RFX3: variants seen among roughly 807,000 people sequenced by gnomAD.
RFX3 encodes transcription factor RFX3.
RFX3 carries 14 observed loss-of-function variants against 98.6 expected under a neutral mutation model. The ratio of observed to expected loss-of-function variants is 0.14; its 90% CI spans 0.09 to 0.22. The LOEUF is 0.22. RFX3 is among the 10% of genes least tolerant of loss of function. RFX3 has a pLI of 1.00. For missense variants in RFX3, 639 were observed against 926.9 expected (o/e 0.69, Z 4.03); for synonymous variants, 383 against 328.4 (o/e 1.17, Z -1.80).
At chr9:3,460,857 A>G (rs994806908) in intron 1 of RFX3, among the ~76,000 whole-genome samples, 2 of 151,838 alleles carry the variant, frequency 1.3e-5, no homozygotes, top group Non-Finnish European at 2.9e-5. Context: ...TCACTTAACC[A>G]ATTTCCTAAC....
intron 1 of RFX3, among the ~76,000 whole-genome samples, chr9:3,516,977 C>T (rs138575445): frequency 8.4e-4 from 128 of 152,314 alleles, no homozygotes; most frequent in Non-Finnish European, 1.4e-3. Context: ...AATGGTGGAA[C>T]CTTCTGAGAC....
chr9:3,459,555 T>G (rs1287328183), intron 1 of RFX3, among the ~76,000 whole-genome samples: 2 of 152,096 alleles, frequency 1.3e-5, no homozygotes, highest in Non-Finnish European at 2.9e-5. Flanking sequence ...GCGACCCGAA[T>G]CAAAATAAAT....
At chr9:3,339,684 T>A (rs11794761) in intron 3 of RFX3, among the ~76,000 whole-genome samples, 1 of 151,944 alleles carries the variant, frequency 6.6e-6, no homozygotes, top group Non-Finnish European at 1.5e-5. Context: ...CCCGCCCACA[T>A]GAAGCTTACA....
At chr9:3,420,802 G>A in intron 1 of RFX3, 1 of 985,114 alleles carries the variant, frequency 1.0e-6, no homozygotes, top group African/African-American at 1.7e-5. Context: ...ATTCATTCCT[G>A]GTTCTTTTCT....
At chr9:3,392,606 T>C (rs964499822) in intron 2 of RFX3, among the ~76,000 whole-genome samples, 1 of 152,100 alleles carries the variant, frequency 6.6e-6, no homozygotes, top group African/African-American at 2.4e-5. Flanking sequence ...AAAGCATGAA[T>C]GTCCAGACTG....
chr9:3,299,764 TCTAA>T (rs1029783866), intron 5 of RFX3, among the ~76,000 whole-genome samples: 5 of 151,780 alleles, frequency 3.3e-5, no homozygotes, highest in Non-Finnish European at 1.5e-5. Context: ...GTTAAAAATC[TCTAA>T]CAGTTGAAAA....
intron 4 of RFX3, 108 bp downstream of exon 4, chr9:3,330,151 C>T: frequency 8.8e-7 from 1 of 1,134,492 alleles, no homozygotes; most frequent in Non-Finnish European, 1.3e-6. Flanking sequence ...CTATCCAACA[C>T]ATTCTTGCCC....
chr9:3,344,768 C>T, intron 3 of RFX3: 1 of 682,440 alleles, frequency 1.5e-6, no homozygotes. Context: ...ATTTATTTTC[C>T]CTGAGAGCAT....
intron 3 of RFX3, among the ~76,000 whole-genome samples, chr9:3,344,569 A>G (rs1834232700): frequency 6.6e-6 from 1 of 152,160 alleles, no homozygotes; most frequent in Non-Finnish European, 1.5e-5. Context: ...TGTGATAGGT[A>G]CTATACAATT....
intron 2 of RFX3, among the ~76,000 whole-genome samples, chr9:3,359,877 T>A (rs1836209142): frequency 6.6e-6 from 1 of 152,176 alleles, no homozygotes; most frequent in Non-Finnish European, 1.5e-5. Context: ...AATGATCAAA[T>A]GTGATTCAAA....
intron 2 of RFX3, among the ~76,000 whole-genome samples, chr9:3,391,731 C>T (rs1203143208): frequency 1.3e-5 from 2 of 152,144 alleles, no homozygotes; most frequent in Non-Finnish European, 2.9e-5. Context: ...TTTTCCACTT[C>T]TGACAGCAAT....
intron 1 of RFX3, among the ~76,000 whole-genome samples, chr9:3,508,240 C>T (rs1427400089): frequency 6.6e-6 from 1 of 151,902 alleles, no homozygotes; most frequent in Non-Finnish European, 1.5e-5. Context: ...ATACAGCAGT[C>T]TAGTATTTAG....
At chr9:3,368,094 T>C (rs1396169605) in intron 2 of RFX3, among the ~76,000 whole-genome samples, 1 of 152,220 alleles carries the variant, frequency 6.6e-6, no homozygotes, top group Non-Finnish European at 1.5e-5. Flanking sequence ...GCATAAATTG[T>C]TCCACTGTTG....
intron 14 of RFX3, among the ~76,000 whole-genome samples, chr9:3,250,590 TC>T (rs1189844849): frequency 6.6e-6 from 1 of 152,062 alleles, no homozygotes; most frequent in African/African-American, 2.4e-5. Flanking sequence ...GACCCAGCAA[TC>T]TAATTCTAGA....
At chr9:3,392,958 A>G (rs1300785973) in intron 2 of RFX3, among the ~76,000 whole-genome samples, 1 of 150,338 alleles carries the variant, frequency 6.7e-6, no homozygotes, top group Admixed American at 6.7e-5. Context: ...AAATTAAAAT[A>G]TAACTTATAG....
intron 13 of RFX3, 115 bp from the exon 14 acceptor site, chr9:3,257,314 T>A: frequency 1.3e-6 from 1 of 791,610 alleles, no homozygotes; most frequent in Non-Finnish European, 2.0e-6. Context: ...TTCACACAGT[T>A]AAATGAATCC....
intron 2 of RFX3, among the ~76,000 whole-genome samples, chr9:3,386,182 G>A (rs1408700599): frequency 2.0e-5 from 3 of 152,030 alleles, no homozygotes; most frequent in Non-Finnish European, 2.9e-5. Flanking sequence ...AGCTACAGAG[G>A]ATAAGTTACT....
At chr9:3,263,282 G>A (rs1480500851) in intron 12 of RFX3, among the ~76,000 whole-genome samples, 198 bp from the exon 13 acceptor site, 3 of 152,110 alleles carry the variant, frequency 2.0e-5, no homozygotes, top group Non-Finnish European at 4.4e-5. Context: ...TTCTGAGTAG[G>A]TTGAGGTCAA....
chr9:3,318,457 C>T (rs1227574552), intron 4 of RFX3, among the ~76,000 whole-genome samples: 1 of 150,958 alleles, frequency 6.6e-6, no homozygotes, highest in Non-Finnish European at 1.5e-5. Flanking sequence ...ACCAACATGG[C>T]ACATGTATAC....
Sources: allele counts gnomAD v4.1 joint callset (sites outside exome capture counted in the v4.1 genomes callset), GRCh38; gene constraint gnomAD v4.1.1; transcripts MANE v1.5; gene names NCBI Gene and HGNC (gene_info 2026-07-23, HGNC 2026-07-21).